UPP2: variants seen among roughly 807,000 people sequenced by gnomAD.
UPP2 encodes uridine phosphorylase 2, also known as UPase 2.
A neutral mutation model predicts 26.7 loss-of-function variants in UPP2; 23 were observed. The ratio of observed to expected loss-of-function variants is 0.86; its 90% CI spans 0.62 to 1.22. UPP2 has a LOEUF of 1.22. Among genes scored for constraint, UPP2 ranks in the 50% most tolerant of loss-of-function variants. UPP2 has a pLI of 0.00. For synonymous variants in UPP2, 127 were observed against 141.3 expected (o/e 0.90, Z 0.72); for missense variants, 387 against 396.7 (o/e 0.98, Z 0.21).
At chr2:158,025,448 G>A (rs927124103) in intron 3 of UPP2, among the ~76,000 whole-genome samples, 1 of 152,164 alleles carries the variant, frequency 6.6e-6, no homozygotes, top group Admixed American at 6.5e-5. Flanking sequence ...AGCAGCTACA[G>A]GGGAGGGAAG....
intron 3 of UPP2, among the ~76,000 whole-genome samples, chr2:158,071,175 G>T (rs1033665239): frequency 6.6e-6 from 1 of 152,136 alleles, no homozygotes; most frequent in Non-Finnish European, 1.5e-5. Flanking sequence ...AGGGCGGCAC[G>T]TGACCTAGGG....
intron 2 of UPP2, among the ~76,000 whole-genome samples, chr2:158,106,863 A>G (rs1391478015): frequency 6.6e-6 from 1 of 152,198 alleles, no homozygotes; most frequent in Non-Finnish European, 1.5e-5. Flanking sequence ...AAACATAGAC[A>G]TGATCAACTC....
Position 158,134,977 on chromosome 2 carries a change from T to C in UPP2, c.*87T>C. The stretch of plus-strand genomic sequence containing the variant: ...AGTCATATTTTATTTGTGGCATTTT[T>C]ATATAGTTCTCATCCACATGCTAAA... On this transcript the variant is annotated 3_prime_UTR_variant, in exon 7 of 7. Transcript: ENST00000005756. 2.1e-6 allele frequency: 3 copies of C among 1,456,316 alleles called. No homozygotes were observed. Among genetic ancestry groups the C allele is most frequent in the Non-Finnish European group, 2.7e-6 (3 of 1,091,348 alleles). The allele number at this position is 1,456,316 out of a possible 1,614,324, so 90.2% of individuals were successfully genotyped here.
intron 4 of UPP2, among the ~76,000 whole-genome samples, chr2:158,119,275 A>T (rs1683508530): frequency 6.6e-6 from 1 of 152,024 alleles, no homozygotes; most frequent in Non-Finnish European, 1.5e-5. Flanking sequence ...GCTCTTGATT[A>T]GGGTATTTTA....
intron 6 of UPP2, among the ~76,000 whole-genome samples, chr2:158,125,464 C>A (rs1247021303): frequency 6.7e-6 from 1 of 150,318 alleles, no homozygotes; most frequent in Non-Finnish European, 1.5e-5. Context: ...GTTGCCCAGG[C>A]TGAGTGTAGT....
In UPP2 at chr2:158,115,202, C is replaced by T. The variant is rs1683402127; in HGVS notation, c.282C>T (p.Ile94=). 6.2e-7 allele frequency: 1 copy of T among 1,613,706 alleles called. No homozygotes were observed. Among genetic ancestry groups the T allele is most frequent in the Non-Finnish European group, 8.5e-7 (1 of 1,179,856 alleles). Residue 94 remains isoleucine (I), a synonymous_variant, in exon 3 of 7, where the codon ATC becomes ATT. Coordinates refer to ENST00000005756, the MANE Select transcript of UPP2 (RefSeq NM_173355.4). ...FEEAEEDIKD[I]CAGTDRYCMY... is the part of the protein sequence containing the mutation. ...AAGCTGAAGAAGACATAAAAGACAT[C>T]TGTGCTGGGACAGACAGATACTGTA... is the stretch of plus-strand genomic sequence containing the variant.
intron 3 of UPP2, among the ~76,000 whole-genome samples, chr2:158,038,946 T>G (rs1455100015): frequency 7.1e-6 from 1 of 140,270 alleles, no homozygotes; most frequent in African/African-American, 2.7e-5. Context: ...GCTTTCCCCT[T>G]GAGAGCTGCA....
chr2:158,022,948 A>C (rs1251305838), intron 3 of UPP2, among the ~76,000 whole-genome samples: 1 of 152,304 alleles, frequency 6.6e-6, no homozygotes, highest in East Asian at 1.9e-4. Flanking sequence ...GAGTATGCAT[A>C]GGGAATGGTG....
rs140788840 is a variant in UPP2, at chr2:158,115,166, C to T, written c.246C>T (p.Leu82=). ...KAFALFMHKE[L]GFEEAEEDIK... ...TTGCACTGTTTATGCACAAGGAGCTCGGGTTTGAGGAAGCTGAAGAAGACA... is the reference window on the plus strand; with the variant it reads ...TTGCACTGTTTATGCACAAGGAGCTTGGGTTTGAGGAAGCTGAAGAAGACA... The change falls in exon 3 of 7, where the codon CTC becomes CTT. Residue 82 remains leucine (L), a synonymous_variant. Coordinates refer to ENST00000005756, the MANE Select transcript of UPP2 (RefSeq NM_173355.4). 6.0e-5 allele frequency: 97 copies of T among 1,613,014 alleles called. No individual in the cohort carries two copies. In the East Asian group the frequency reaches 9.4e-4, roughly 16 times the overall value.
rs574565535 is a variant in UPP2, at chr2:158,007,524, G to A, written c.62-8277G>A. On this transcript the variant is annotated intron_variant, in intron 2 of 9. Coordinates refer to the UPP2 transcript ENST00000605860. ...CCTCATCTAACCATGTCATTGTGAA[G>A]TGCTCTCTGCTGCCCTGCCTGGCAA... is the stretch of plus-strand genomic sequence containing the variant. Among the ~76,000 whole-genome samples the A allele has an allele frequency of 2.0e-4, 30 of 152,226 alleles. 2 individuals are homozygous for A. In the South Asian group the frequency reaches 5.8e-3, roughly 29 times the overall value.
At chr2:158,035,526 G>A (rs982684643) in intron 3 of UPP2, among the ~76,000 whole-genome samples, 7 of 152,122 alleles carry the variant, frequency 4.6e-5, no homozygotes, top group South Asian at 4.1e-4. Context: ...CTATTGTGCT[G>A]GATACAATCA....
chr2:158,119,034 T>C (rs1360719570), intron 4 of UPP2, among the ~76,000 whole-genome samples: 2 of 152,058 alleles, frequency 1.3e-5, no homozygotes, highest in African/African-American at 2.4e-5. Context: ...GGCATCCTTC[T>C]AGATTGTAGT....
Position 158,115,143 on chromosome 2 carries a change from G to T in UPP2, c.223G>T (p.Ala75Ser). ...GGSPNRMKAFALFMHKELGFE... is the reference protein window; with the variant it reads ...GGSPNRMKAFSLFMHKELGFE... The stretch of plus-strand genomic sequence containing the variant: ...GAGCCCCAACAGAATGAAAGCATTT[G>T]CACTGTTTATGCACAAGGAGCTCGG... The change falls in exon 3 of 7, where the codon GCA becomes TCA. Residue 75 changes from alanine (A) to serine (S), a missense_variant. Coordinates refer to ENST00000005756, the MANE Select transcript of UPP2 (RefSeq NM_173355.4). 6.2e-7 allele frequency: 1 copy of T among 1,612,998 alleles called. No homozygotes were observed. The highest frequency in any genetic ancestry group is 8.5e-7 in the Non-Finnish European group (1 of 1,179,538).
At chr2:158,061,561 T>C (rs1187823378) in intron 3 of UPP2, among the ~76,000 whole-genome samples, 2 of 152,228 alleles carry the variant, frequency 1.3e-5, no homozygotes, top group Non-Finnish European at 2.9e-5. Flanking sequence ...AACTTCCTCC[T>C]GAGCTCCTAC....
chr2:158,003,505 C>T (rs1360626259), intron 2 of UPP2, among the ~76,000 whole-genome samples: 5 of 151,912 alleles, frequency 3.3e-5, no homozygotes, highest in Non-Finnish European at 1.5e-5. Flanking sequence ...GTCAGGAGTT[C>T]GAGACCAGCC....
chr2:158,059,583 T>G (rs1462475597), intron 3 of UPP2, among the ~76,000 whole-genome samples: 1 of 152,228 alleles, frequency 6.6e-6, no homozygotes, highest in African/African-American at 2.4e-5. Flanking sequence ...GAGGTCTTAA[T>G]GACTTGACTT....
chr2:158,080,133 C>A (rs762509068), intron 3 of UPP2, among the ~76,000 whole-genome samples: 8 of 152,010 alleles, frequency 5.3e-5, no homozygotes, highest in Non-Finnish European at 1.0e-4. Flanking sequence ...ATTACATATT[C>A]ATAAATTTTT....
intron 3 of UPP2, among the ~76,000 whole-genome samples, chr2:158,089,113 G>T (rs1047343805): frequency 6.6e-6 from 1 of 152,142 alleles, no homozygotes; most frequent in African/African-American, 2.4e-5. Flanking sequence ...TGGGGGCAGG[G>T]TTAGGTGTGT....
chr2:158,109,315 C>T (rs1381262121), intron 2 of UPP2, among the ~76,000 whole-genome samples: 1 of 152,038 alleles, frequency 6.6e-6, no homozygotes. Context: ...CATATTCTTA[C>T]CATATTTAAA....
Sources: allele counts gnomAD v4.1 joint callset (sites outside exome capture counted in the v4.1 genomes callset), GRCh38; gene constraint gnomAD v4.1.1; transcripts MANE v1.5; gene names NCBI Gene and HGNC (gene_info 2026-07-23, HGNC 2026-07-21).